MID2: variants seen among roughly 807,000 people sequenced by gnomAD.
The protein encoded by MID2 is midline 2.
MID2 carries 13 observed loss-of-function variants against 46.1 expected under a neutral mutation model. That is an observed-to-expected ratio of 0.28 (90% CI 0.18 to 0.45). The LOEUF is 0.45. Ranked by LOEUF, MID2 falls within the 20% of genes least tolerant of loss-of-function variation. The pLI is 1.00. For synonymous variants in MID2, 199 were observed against 212.3 expected, an observed-to-expected ratio of 0.94 and a Z score of 0.55; for missense variants, 431 against 575.4, an observed-to-expected ratio of 0.75 and a Z score of 2.57.
intron 2 of MID2, among the ~76,000 whole-genome samples, chrX:107,853,097 G>T (rs192735576): frequency 9.0e-6 from 1 of 110,825 alleles, no homozygotes; most frequent in East Asian, 2.8e-4. Context: ...AAATAAAAAA[G>T]CCCATGATTA....
In MID2 at chrX:107,826,392, G is replaced by A. The variant is rs1930944560; in HGVS notation, c.-35G>A. 1 of 1,132,920 alleles carries A rather than the reference G, an allele frequency of 8.8e-7. No homozygotes were observed. Among genetic ancestry groups the A allele is most frequent in the African/African-American group, 1.9e-5 (1 of 53,132 alleles). 93.4% of individuals were successfully genotyped at this position (1,132,920 alleles called of 1,213,427 possible). On this transcript the variant is annotated 5_prime_UTR_variant, in exon 1 of 10. Coordinates refer to ENST00000262843, the MANE Select transcript of MID2 (RefSeq NM_012216.4). ...GCAGACGAGAGCCCAGCGCCCTCGAGCGAGCGGAGGAGATGGCTGGCACCT... is the reference window on the plus strand; with the variant it reads ...GCAGACGAGAGCCCAGCGCCCTCGAACGAGCGGAGGAGATGGCTGGCACCT...
At chrX:107,900,878 C>T (rs769448790) in intron 3 of MID2, among the ~76,000 whole-genome samples, 1 of 112,111 alleles carries the variant, frequency 8.9e-6, no homozygotes, top group East Asian at 2.8e-4. Flanking sequence ...TATGGCTCTT[C>T]CCCATCCAGT....
chrX:107,915,943 C>T, intron 5 of MID2, 59 bp from the exon 6 acceptor site: 1 of 1,105,272 alleles, frequency 9.0e-7, no homozygotes. Context: ...AGAAATCAAA[C>T]ACTGGGTGAA....
intron 1 of MID2, among the ~76,000 whole-genome samples, chrX:107,829,113 A>G (rs1274893658): frequency 8.9e-6 from 1 of 112,129 alleles, no homozygotes; most frequent in Non-Finnish European, 1.9e-5. Context: ...TCCTGAGCTT[A>G]AGGGATCCAC....
At chrX:107,917,476 C>G in intron 6 of MID2, 30 bp from the exon 7 acceptor site, 1 of 1,076,002 alleles carries the variant, frequency 9.3e-7, no homozygotes, top group East Asian at 3.0e-5. Flanking sequence ...AGTATGCTTT[C>G]CTTACTTTCT....
chrX:107,907,543 A>G (rs761466203), intron 5 of MID2, among the ~76,000 whole-genome samples: 126 of 110,962 alleles, frequency 1.1e-3, no homozygotes, highest in African/African-American at 4.0e-3. Flanking sequence ...TCTTTTTTCC[A>G]TAGCTTCAAT....
intron 2 of MID2, among the ~76,000 whole-genome samples, chrX:107,846,616 A>G (rs934850351): frequency 9.0e-6 from 1 of 111,375 alleles, no homozygotes. Context: ...CAAACTGTGC[A>G]CTAAGACTCA....
rs1933200938 is a variant in MID2, at chrX:107,927,329, T to C, written c.*256T>C. On this transcript the variant is annotated 3_prime_UTR_variant, in exon 10 of 10. Coordinates refer to ENST00000262843, the MANE Select transcript of MID2 (RefSeq NM_012216.4). ...AATTTAGAAAATGCCTCTGTTGTCA[T>C]TGGAGAATTAAAAATTCCCAATGAT... 4 of 272,619 alleles carry C rather than the reference T, an allele frequency of 1.5e-5. No individual in the cohort carries two copies. The highest frequency in any genetic ancestry group is 1.2e-4 in the Admixed American group (2 of 17,092). The allele number at this position is 272,619 out of a possible 1,213,427, so 22.5% of individuals were successfully genotyped here. A position where few individuals can be genotyped will look rare whatever the true frequency, so the allele number is the denominator to read the frequency against.
At chrX:107,910,240 G>A (rs1932874254) in intron 5 of MID2, among the ~76,000 whole-genome samples, 1 of 111,548 alleles carries the variant, frequency 9.0e-6, no homozygotes, top group Non-Finnish European at 1.9e-5. Context: ...CTATGTGCGA[G>A]ATCATATGGT....
At chrX:107,882,654 T>C (rs1438253869) in intron 3 of MID2, among the ~76,000 whole-genome samples, 1 of 111,802 alleles carries the variant, frequency 8.9e-6, no homozygotes, top group Non-Finnish European at 1.9e-5. Context: ...CACAATGAGA[T>C]ACCATCTCAC....
At chrX:107,914,092 A>G (rs755585865) in intron 5 of MID2, among the ~76,000 whole-genome samples, 8 of 112,226 alleles carry the variant, frequency 7.1e-5, no homozygotes, top group African/African-American at 2.6e-4. Flanking sequence ...ACTCCTGTGT[A>G]TGCTCTACTC....
At chrX:107,859,940 A>G (rs1741212575) in intron 3 of MID2, among the ~76,000 whole-genome samples, 1 of 111,931 alleles carries the variant, frequency 8.9e-6, no homozygotes, top group African/African-American at 3.3e-5. Context: ...TAGGCCATGT[A>G]TAGGTGTTTA....
chrX:107,930,168 T>C lies in MID2; in HGVS notation c.*3095T>C, dbSNP rs1401473833. Among the ~76,000 whole-genome samples the C allele has an allele frequency of 8.9e-6, 1 of 112,022 alleles. No individual in the cohort carries two copies. The highest frequency in any genetic ancestry group is 9.5e-5 in the Admixed American group (1 of 10,570). ...GGAACATTAGCTTGGCTAATGTTTA[T>C]TGAATGAATGTATGAATGAAAAAAT... On this transcript the variant is annotated 3_prime_UTR_variant, in exon 10 of 10. Coordinates refer to ENST00000262843, the MANE Select transcript of MID2 (RefSeq NM_012216.4).
chrX:107,835,860 T>G (rs1451852378), intron 1 of MID2, among the ~76,000 whole-genome samples: 9 of 112,345 alleles, frequency 8.0e-5, no homozygotes, highest in Non-Finnish European at 1.5e-4. Flanking sequence ...TTTTAAATTT[T>G]GATAAAGTAC....
intron 2 of MID2, among the ~76,000 whole-genome samples, chrX:107,853,435 A>T (rs1167663412): frequency 9.1e-6 from 1 of 110,486 alleles, no homozygotes; most frequent in African/African-American, 3.3e-5. Flanking sequence ...GAGTCACTGG[A>T]ACTATAGGTG....
At chrX:107,890,898 G>T (rs889871020) in intron 3 of MID2, among the ~76,000 whole-genome samples, 6 of 110,232 alleles carry the variant, frequency 5.4e-5, no homozygotes, top group African/African-American at 2.0e-4. Context: ...AGGCTCTGTG[G>T]GATTAGGTCC....
chrX:107,883,001 C>T (rs1331259328), intron 3 of MID2, among the ~76,000 whole-genome samples: 2 of 111,893 alleles, frequency 1.8e-5, no homozygotes, highest in Non-Finnish European at 3.8e-5. Flanking sequence ...CACATATACA[C>T]CGTGGAATAC....
chrX:107,849,142 C>T (rs750919543), intron 2 of MID2, among the ~76,000 whole-genome samples: 2 of 111,896 alleles, frequency 1.8e-5, no homozygotes, highest in South Asian at 7.5e-4. Context: ...GATAATATTC[C>T]CCTTGTACCT....
chrX:107,894,215 G>A (rs1932665933), intron 3 of MID2, among the ~76,000 whole-genome samples: 1 of 110,077 alleles, frequency 9.1e-6, no homozygotes, highest in Non-Finnish European at 1.9e-5. Flanking sequence ...TTTATACCCA[G>A]CACATGGCTT....
Sources: gnomAD v4.1 joint callset for allele counts (sites outside exome capture counted in the v4.1 genomes callset) on GRCh38, gnomAD v4.1.1 for gene constraint, MANE v1.5 for transcripts, NCBI Gene and HGNC (gene_info 2026-07-23, HGNC 2026-07-21) for gene names.